The following SGCZ variants were observed in gnomAD, a reference collection of about 807,000 sequenced individuals.
The protein encoded by SGCZ is zeta-sarcoglycan.
SGCZ carries 40 observed loss-of-function variants against 41.3 expected under a neutral mutation model. That is an observed-to-expected ratio of 0.97 (90% confidence interval 0.75 to 1.26). The LOEUF is 1.26. SGCZ is among the 50% of genes most tolerant of loss of function. SGCZ has a pLI of 0.00. For synonymous variants in SGCZ, 206 were observed against 137.5 expected, an observed-to-expected ratio of 1.50 and a Z score of -3.49; for missense variants, 552 against 369.8, an observed-to-expected ratio of 1.49 and a Z score of -4.04.
At chr8:14,350,881 T>C (rs1803066805) in intron 2 of SGCZ, among the ~76,000 whole-genome samples, 1 of 152,194 alleles carries the variant, frequency 6.6e-6, no homozygotes, top group Admixed American at 6.6e-5. Context: ...TGAAATAACT[T>C]AAATGATTAA....
intron 1 of SGCZ, among the ~76,000 whole-genome samples, chr8:15,222,450 A>C (rs1585689997): frequency 6.6e-6 from 1 of 152,172 alleles, no homozygotes; most frequent in Non-Finnish European, 1.5e-5. Context: ...CTATGAAAAA[A>C]AAACACCCCT....
intron 3 of SGCZ, among the ~76,000 whole-genome samples, chr8:14,248,063 A>G (rs1266377325): frequency 6.6e-6 from 1 of 152,234 alleles, no homozygotes; most frequent in Non-Finnish European, 1.5e-5. Context: ...TCAAATTTTA[A>G]TGGAATTAGA....
At chr8:15,034,978 C>T (rs528543322) in intron 1 of SGCZ, among the ~76,000 whole-genome samples, 1 of 152,082 alleles carries the variant, frequency 6.6e-6, no homozygotes, top group South Asian at 2.1e-4. Context: ...TAAGCTGAAA[C>T]AAAGGAGTAT....
At chr8:14,267,911 T>A (rs1799929494) in intron 3 of SGCZ, among the ~76,000 whole-genome samples, 1 of 152,016 alleles carries the variant, frequency 6.6e-6, no homozygotes, top group Admixed American at 6.6e-5. Context: ...AGGTTCTTTC[T>A]GCATTTCTCT....
At chr8:15,236,270 G>A (rs1802115705) in intron 1 of SGCZ, among the ~76,000 whole-genome samples, 1 of 152,166 alleles carries the variant, frequency 6.6e-6, no homozygotes, top group Admixed American at 6.5e-5. Flanking sequence ...TGCAATCTGG[G>A]GCGCCTGGAG....
chr8:14,514,782 AATGTGT>A (rs1288244789), intron 2 of SGCZ, among the ~76,000 whole-genome samples: 2 of 27,294 alleles, frequency 7.3e-5, no homozygotes, highest in African/African-American at 1.9e-4. Flanking sequence ...CATATATGTA[AATGTGT>A]GTGTGTGTGT....
intron 1 of SGCZ, among the ~76,000 whole-genome samples, chr8:14,937,662 A>G (rs1404438300): frequency 6.6e-6 from 1 of 152,152 alleles, no homozygotes; most frequent in Non-Finnish European, 1.5e-5. Context: ...CTTTCATTAC[A>G]ATAGAAAATA....
At chr8:14,774,782 AT>A (rs1184162397) in intron 1 of SGCZ, among the ~76,000 whole-genome samples, 1 of 152,206 alleles carries the variant, frequency 6.6e-6, no homozygotes, top group Non-Finnish European at 1.5e-5. Flanking sequence ...ATGAACAAGT[AT>A]TACTATCCTT....
At chr8:14,853,189 C>G (rs1472415203) in intron 1 of SGCZ, among the ~76,000 whole-genome samples, 1 of 152,070 alleles carries the variant, frequency 6.6e-6, no homozygotes, top group Non-Finnish European at 1.5e-5. Flanking sequence ...GCATGGAATC[C>G]CAAGTTATTT....
chr8:14,401,268 T>G (rs1799064362), intron 2 of SGCZ, among the ~76,000 whole-genome samples: 1 of 146,032 alleles, frequency 6.8e-6, no homozygotes, highest in South Asian at 2.1e-4. Flanking sequence ...ATATATATAG[T>G]TTTATTTTTA....
At position 15,208,305 on chromosome 8, in the gene SGCZ, A is replaced by C. The variant is rs1251612291; in HGVS notation, c.39+29280T>G. On this transcript the variant is annotated intron_variant, in intron 1 of 7. Transcript: ENST00000382080. ...GGTATGGCATATTATAGCAAAAAAA[A>C]ATTATCATCAATGACGGGTATGATT... 6.6e-5 allele frequency among the ~76,000 whole-genome samples: 10 copies of C among 152,288 alleles called. No individual in the cohort carries two copies. In the South Asian group the frequency reaches 2.1e-3, roughly 32 times the overall value.
intron 1 of SGCZ, among the ~76,000 whole-genome samples, chr8:15,104,425 A>C (rs1357953927): frequency 3.3e-5 from 5 of 152,222 alleles, no homozygotes; most frequent in Non-Finnish European, 7.3e-5. Flanking sequence ...ATTTCTTTCT[A>C]TGCATGTGTA....
At chr8:15,091,734 G>C (rs1048216369) in intron 1 of SGCZ, among the ~76,000 whole-genome samples, 2 of 152,020 alleles carry the variant, frequency 1.3e-5, no homozygotes, top group African/African-American at 2.4e-5. Context: ...AGTTCAATAA[G>C]AGGACTCCTA....
At chr8:14,170,759 T>G (rs1226683688) in intron 4 of SGCZ, among the ~76,000 whole-genome samples, 2 of 152,116 alleles carry the variant, frequency 1.3e-5, no homozygotes, top group Non-Finnish European at 2.9e-5. Flanking sequence ...TTACACCTCA[T>G]AGTCATTCAA....
chr8:15,132,432 T>C lies in SGCZ; in HGVS notation c.39+105153A>G, dbSNP rs181330075. 1.3e-3 allele frequency among the ~76,000 whole-genome samples: 199 copies of C among 152,296 alleles called. 1 individual carries two copies. Among genetic ancestry groups the C allele is most frequent in the African/African-American group, 4.0e-3 (165 of 41,564 alleles). On this transcript the variant is annotated intron_variant, in intron 1 of 7. Coordinates refer to ENST00000382080, the MANE Select transcript of SGCZ (RefSeq NM_139167.4). ...TCCTGTTCTTACAGCCGCCATCACA[T>C]GCCTCATGGAGATACAATAGGCAAG...
At chr8:14,233,155 AT>A (rs1400925090) in intron 4 of SGCZ, among the ~76,000 whole-genome samples, 2 of 152,024 alleles carry the variant, frequency 1.3e-5, no homozygotes, top group African/African-American at 2.4e-5. Flanking sequence ...CAGTTTCTGA[AT>A]TTATCCTCCT....
At chr8:14,468,875 AAAGT>A (rs1289543531) in intron 2 of SGCZ, among the ~76,000 whole-genome samples, 21 of 152,122 alleles carry the variant, frequency 1.4e-4, no homozygotes, top group African/African-American at 5.1e-4. Flanking sequence ...TAATGAATAT[AAAGT>A]AATAAATTGC....
chr8:14,304,477 C>A (rs1429586311), intron 3 of SGCZ, among the ~76,000 whole-genome samples: 2 of 151,942 alleles, frequency 1.3e-5, no homozygotes, highest in African/African-American at 4.8e-5. Flanking sequence ...GCCTGTGGAC[C>A]CAGGTACTTA....
intron 7 of SGCZ, among the ~76,000 whole-genome samples, chr8:14,092,806 C>T (rs573618414): frequency 6.6e-6 from 1 of 151,968 alleles, no homozygotes; most frequent in East Asian, 1.9e-4. Context: ...ATTACCCAGT[C>T]TCGGGTATGT....
Sources: allele counts gnomAD v4.1 joint callset (sites outside exome capture counted in the v4.1 genomes callset), GRCh38; gene constraint gnomAD v4.1.1; transcripts MANE v1.5; gene names NCBI Gene and HGNC (gene_info 2026-07-23, HGNC 2026-07-21).